GALNT7: variants seen among roughly 807,000 people sequenced by gnomAD.
GALNT7 encodes the protein N-acetylgalactosaminyltransferase 7.
Under a neutral mutation model 82.1 loss-of-function variants are expected in GALNT7, and 60 were observed. The observed-to-expected ratio is 0.73, with a 90% CI of 0.59 to 0.91. The LOEUF (loss-of-function observed/expected upper bound fraction) is 0.91. Ranked by LOEUF, GALNT7 falls within the 40% of genes least tolerant of loss-of-function variation. The pLI, the probability that GALNT7 is intolerant of heterozygous loss-of-function variation, is 0.00. For synonymous variants in GALNT7, 243 were observed against 275.1 expected (o/e 0.88, Z 1.15); for missense variants, 660 against 804.2 (o/e 0.82, Z 2.17).
chr4:173,207,036 C>G (rs1733121269), intron 1 of GALNT7, among the ~76,000 whole-genome samples: 1 of 152,226 alleles, frequency 6.6e-6, no homozygotes, highest in African/African-American at 2.4e-5. Context: ...GGTTTACCAT[C>G]CAACAAGCGG....
At chr4:173,254,505 A>G (rs1734956279) in intron 2 of GALNT7, among the ~76,000 whole-genome samples, 1 of 152,202 alleles carries the variant, frequency 6.6e-6, no homozygotes, top group South Asian at 2.1e-4. Flanking sequence ...ATCTTGATCC[A>G]TAGATTTCAG....
chr4:173,194,746 C>T (rs983028703), intron 1 of GALNT7, among the ~76,000 whole-genome samples: 4 of 152,018 alleles, frequency 2.6e-5, no homozygotes, highest in African/African-American at 7.2e-5. Flanking sequence ...CCCATTAACT[C>T]GTCATTTACA....
intron 1 of GALNT7, among the ~76,000 whole-genome samples, chr4:173,190,246 G>A (rs761340546): frequency 6.6e-6 from 1 of 152,140 alleles, no homozygotes; most frequent in Non-Finnish European, 1.5e-5. Flanking sequence ...TGTCCACATT[G>A]CAGCAGTAGG....
chr4:173,285,957 T>C (rs978967108), intron 2 of GALNT7, among the ~76,000 whole-genome samples: 14 of 152,230 alleles, frequency 9.2e-5, no homozygotes, highest in Non-Finnish European at 1.8e-4. Flanking sequence ...CTAGGGTCTT[T>C]CACGTATGCA....
chr4:173,210,128 C>T (rs890251785), intron 1 of GALNT7, among the ~76,000 whole-genome samples: 17 of 150,608 alleles, frequency 1.1e-4, no homozygotes, highest in Non-Finnish European at 8.9e-5. Context: ...AGCGAGACTC[C>T]GTCTCAAAAA....
intron 2 of GALNT7, among the ~76,000 whole-genome samples, chr4:173,277,818 G>A (rs1222326029): frequency 6.6e-6 from 1 of 152,106 alleles, no homozygotes; most frequent in Non-Finnish European, 1.5e-5. Context: ...ATACTTTTTT[G>A]TTTCCTTCTT....
At chr4:173,184,276 G>A (rs1200084353) in intron 1 of GALNT7, among the ~76,000 whole-genome samples, 1 of 152,008 alleles carries the variant, frequency 6.6e-6, no homozygotes, top group African/African-American at 2.4e-5. Flanking sequence ...GTAGCGAGCC[G>A]AGATCACGCC....
chr4:173,277,249 G>C (rs1735945007), intron 2 of GALNT7, among the ~76,000 whole-genome samples: 1 of 152,152 alleles, frequency 6.6e-6, no homozygotes, highest in Non-Finnish European at 1.5e-5. Context: ...GGATATATGA[G>C]TATCTCATAG....
chr4:173,236,693 G>A (rs539394836), intron 1 of GALNT7, among the ~76,000 whole-genome samples: 4 of 152,078 alleles, frequency 2.6e-5, no homozygotes, highest in East Asian at 1.9e-4. Flanking sequence ...CATCCCCACC[G>A]CCTATGTACT....
chr4:173,222,736 G>T (rs555584477), intron 1 of GALNT7, among the ~76,000 whole-genome samples: 1 of 152,080 alleles, frequency 6.6e-6, no homozygotes, highest in Non-Finnish European at 1.5e-5. Context: ...ATTTACCTGC[G>T]ATTATATAGC....
intron 1 of GALNT7, among the ~76,000 whole-genome samples, chr4:173,213,787 A>G (rs959647718): frequency 6.6e-6 from 1 of 152,182 alleles, no homozygotes; most frequent in Non-Finnish European, 1.5e-5. Flanking sequence ...TGACAGGCAT[A>G]TAGCACCTCA....
chr4:173,321,562 T>C lies in GALNT7; in HGVS notation c.1837-18T>C. On this transcript the variant is annotated intron_variant, in intron 11 of 11. Transcript: ENST00000265000. Reference sequence around the variant, plus strand: ...CAAGGGTCCAAATTTGAAACTTTTTTCTTACTGTGTTTTCCAGAACCTGCA... The same window carrying C: ...CAAGGGTCCAAATTTGAAACTTTTTCCTTACTGTGTTTTCCAGAACCTGCA... The C allele has an allele frequency of 6.2e-7, 1 of 1,603,592 alleles. No individual in the cohort carries two copies. Among genetic ancestry groups the C allele is most frequent in the Non-Finnish European group, 8.5e-7 (1 of 1,172,600 alleles).
rs1398546334 is a variant in GALNT7, at chr4:173,298,230, C to T, written c.1081C>T (p.Leu361Phe). 2.5e-6 allele frequency: 4 copies of T among 1,612,298 alleles called. No homozygotes were observed. The Admixed American group carries it at 6.7e-5, about 27-fold the overall frequency. Residue 361 changes from leucine to phenylalanine, a missense_variant, in exon 6 of 12, where the codon CTC becomes TTC. Physicochemically the swap from Leu to Phe is conservative, Grantham distance 22. This residue lies in a region of GALNT7 where 527 missense variants were observed against 683.5 expected (regional missense o/e 0.77). Coordinates refer to ENST00000265000, the MANE Select transcript of GALNT7 (RefSeq NM_017423.3). ...YARGAWDWSM[L>F]WKRVPLTPQE... ...CCGAGGAGCATGGGATTGGAGTATG[C>T]TCTGGAAACGGGTGCCTCTGACCCC...
rs751757233 is a variant in GALNT7 at position 173,292,079 on chromosome 4, A to C, written c.588-29A>C. 18 of 1,534,582 alleles carry C rather than the reference A, an allele frequency of 1.2e-5. No homozygotes were observed. The highest frequency in any genetic ancestry group is 1.5e-5 in the Non-Finnish European group (17 of 1,112,462). The stretch of plus-strand genomic sequence containing the variant: ...GCCAAGCAGTATAGATTACCTGTAA[A>C]TAAATATGATGAAATTTTCTCTTTA... On this transcript the variant is annotated intron_variant, in intron 2 of 11. Transcript: ENST00000265000. This position sits in a 1 kb window ranked among gnomAD's most constrained non-coding sequence, Gnocchi z 4.8.
intron 1 of GALNT7, among the ~76,000 whole-genome samples, chr4:173,195,223 A>G (rs1732739504): frequency 6.6e-6 from 1 of 152,110 alleles, no homozygotes; most frequent in Admixed American, 6.6e-5. Flanking sequence ...CTCATCTTCA[A>G]GTATTTGTGA....
chr4:173,201,936 T>A (rs553832303), intron 1 of GALNT7, among the ~76,000 whole-genome samples: 1 of 152,328 alleles, frequency 6.6e-6, no homozygotes, highest in East Asian at 1.9e-4. Flanking sequence ...CTGGGTCTTC[T>A]TATACTTCTG....
rs1737830042 is a variant in GALNT7, at chr4:173,321,810, A to G, written c.*93A>G. On this transcript the variant is annotated 3_prime_UTR_variant, in exon 12 of 12. Coordinates refer to ENST00000265000, the MANE Select transcript of GALNT7 (RefSeq NM_017423.3). Reference sequence around the variant, plus strand: ...AAACCTGCTGCAACTATTGTTATTAACTCTGTATAGCTCCAAACCTGGAAC... The same window carrying G: ...AAACCTGCTGCAACTATTGTTATTAGCTCTGTATAGCTCCAAACCTGGAAC... 4 of 800,204 alleles carry G rather than the reference A, an allele frequency of 5.0e-6. No individual in the cohort carries two copies. In the East Asian group the frequency reaches 1.1e-4, roughly 21 times the overall value. The allele number at this position is 800,204 out of a possible 1,614,324, so 49.6% of individuals were successfully genotyped here.
chr4:173,210,034 G>A (rs553702122), intron 1 of GALNT7, among the ~76,000 whole-genome samples: 5 of 152,046 alleles, frequency 3.3e-5, no homozygotes, highest in South Asian at 4.2e-4. Flanking sequence ...TCAGGAAGCC[G>A]AGGCAGGAGA....
Position 173,318,457 on chromosome 4 carries a change from A to G in GALNT7, c.1734A>G (p.Gln578=). The G allele has an allele frequency of 1.2e-6, 2 of 1,603,938 alleles. No homozygotes were observed. Among genetic ancestry groups the G allele is most frequent in the African/African-American group, 1.3e-5 (1 of 74,590 alleles). The change falls in exon 11 of 12, where the codon CAA becomes CAG. Residue 578 remains glutamine (Q), a synonymous_variant. Coordinates refer to ENST00000265000, the MANE Select transcript of GALNT7 (RefSeq NM_017423.3). ...TTTTCAGAATCAATGAAGCAAATCA[A>G]CTCATGCAGTATGACCAGTGTTTGA... ...NQLFRINEAN[Q]LMQYDQCLTK...
Sources: allele counts gnomAD v4.1 joint callset (sites outside exome capture counted in the v4.1 genomes callset), GRCh38; gene constraint gnomAD v4.1.1; regional missense constraint gnomAD v4.1.1; non-coding constraint Gnocchi (gnomAD v3.1); transcripts MANE v1.5; gene names NCBI Gene and HGNC (gene_info 2026-07-23, HGNC 2026-07-21).